Variants in RSPH9 observed in about 807,000 individuals in gnomAD.
The protein encoded by RSPH9 is radial spoke head protein 9 homolog.
A neutral mutation model predicts 27.0 loss-of-function variants in RSPH9; 27 were observed. The ratio of observed to expected loss-of-function variants is 1.00; its 90% CI spans 0.74 to 1.38. The LOEUF (loss-of-function observed/expected upper bound fraction) is 1.38, where lower values mean the gene tolerates loss of function less well. Among genes scored for constraint, RSPH9 ranks in the 40% most tolerant of loss-of-function variants. The pLI, the probability that RSPH9 is intolerant of heterozygous loss-of-function variation, is 0.00. For synonymous variants in RSPH9, 145 were observed against 147.7 expected (o/e 0.98, Z 0.13); for missense variants, 347 against 357.4 (o/e 0.97, Z 0.24).
chr6:43,653,386 G>A (rs1409541943), intron 2 of RSPH9, among the ~76,000 whole-genome samples: 1 of 148,144 alleles, frequency 6.8e-6, no homozygotes, highest in Non-Finnish European at 1.5e-5. Context: ...GGCGGAGGTT[G>A]CAGTGAGCCA....
intron 4 of RSPH9, among the ~76,000 whole-genome samples, chr6:43,660,333 G>A (rs1772480769): frequency 6.6e-6 from 1 of 152,114 alleles, no homozygotes; most frequent in South Asian, 2.1e-4. Context: ...GAGGCACTGT[G>A]ATTGGCCCTC....
Position 43,666,193 on chromosome 6 carries a change from A to G in RSPH9, c.671-4596A>G, listed in dbSNP as rs553964078. Among the ~76,000 whole-genome samples, 5 of 152,310 alleles carry G rather than the reference A, an allele frequency of 3.3e-5. No individual in the cohort carries two copies. In the East Asian group the frequency reaches 9.7e-4, roughly 29 times the overall value. ...CGATGGAGTGGAAGTGTGGATGGTCACAGGAGAGCGGACAGCTCTGATTTT... is the reference window on the plus strand; with the variant it reads ...CGATGGAGTGGAAGTGTGGATGGTCGCAGGAGAGCGGACAGCTCTGATTTT... On this transcript the variant is annotated intron_variant, in intron 4 of 4. Coordinates refer to ENST00000372163, the MANE Select transcript of RSPH9 (RefSeq NM_152732.5).
chr6:43,669,891 G>C (rs933290024), intron 4 of RSPH9, among the ~76,000 whole-genome samples: 2 of 152,196 alleles, frequency 1.3e-5, no homozygotes, highest in African/African-American at 4.8e-5. Context: ...CTAGGACAAA[G>C]GCTCATTAGG....
chr6:43,648,119 A>G (rs1403087372), intron 1 of RSPH9, among the ~76,000 whole-genome samples: 1 of 152,076 alleles, frequency 6.6e-6, no homozygotes, highest in African/African-American at 2.4e-5. Flanking sequence ...AAAATACAAA[A>G]TTAGCCAGGT....
rs375121621 is a variant in RSPH9 at position 43,670,904 on chromosome 6, C to T, written c.786C>T (p.Tyr262=). 2.5e-5 allele frequency: 40 copies of T among 1,614,114 alleles called. No homozygotes were observed. Among genetic ancestry groups the T allele is most frequent in the Middle Eastern group, 1.6e-4 (1 of 6,084 alleles). ...GCACCAAGAACTATGGCTACGTCTA[C>T]GTGGGCACTGGCGAGAAGAACATGG... is the stretch of plus-strand genomic sequence containing the variant. ...APRTKNYGYV[Y]VGTGEKNMDL... The change falls in exon 5 of 5, where the codon TAC becomes TAT. Residue 262 remains tyrosine (Y), a synonymous_variant. Transcript: ENST00000372163.
intron 2 of RSPH9, among the ~76,000 whole-genome samples, chr6:43,653,074 C>A (rs1403279798): frequency 3.9e-5 from 6 of 152,196 alleles, no homozygotes; most frequent in Admixed American, 3.9e-4. Context: ...CCACCTCAGC[C>A]TCCCAAAGTG....
chr6:43,651,839 G>A (rs996896747), intron 2 of RSPH9, among the ~76,000 whole-genome samples: 44 of 151,674 alleles, frequency 2.9e-4, no homozygotes, highest in Non-Finnish European at 4.4e-5. Context: ...GTGAGCCACC[G>A]CACACAGTCT....
chr6:43,647,726 A>C (rs1771032908), intron 1 of RSPH9, among the ~76,000 whole-genome samples: 1 of 152,216 alleles, frequency 6.6e-6, no homozygotes, highest in African/African-American at 2.4e-5. Context: ...CAGAAGAAAA[A>C]GTTGAACTGA....
At chr6:43,645,664 G>C (rs1433653549) in intron 1 of RSPH9, among the ~76,000 whole-genome samples, 1 of 151,764 alleles carries the variant, frequency 6.6e-6, no homozygotes, top group African/African-American at 2.4e-5. Context: ...CATGCGGATG[G>C]GTTTATAAGA....
chr6:43,649,368 T>C (rs771024271), intron 1 of RSPH9, among the ~76,000 whole-genome samples: 5 of 151,840 alleles, frequency 3.3e-5, no homozygotes, highest in Non-Finnish European at 7.4e-5. Flanking sequence ...TTTTTTGTAT[T>C]TTTAGTAGAG....
intron 2 of RSPH9, among the ~76,000 whole-genome samples, chr6:43,651,982 C>G (rs1771520729): frequency 6.6e-6 from 1 of 151,904 alleles, no homozygotes; most frequent in Admixed American, 6.6e-5. Context: ...GATCTTGGGC[C>G]CCAGCATCAG....
rs113762333 is a variant in RSPH9, at chr6:43,671,971, G to A, written c.*1022G>A. 11,149 of 1,490,228 alleles carry A rather than the reference G, an allele frequency of 7.5e-3. 666 individuals are homozygous for A. The African/African-American group carries it at 0.13, about 18-fold the overall frequency. The allele number at this position is 1,490,228 out of a possible 1,614,324, so 92.3% of individuals were successfully genotyped here. On this transcript the variant is annotated 3_prime_UTR_variant, in exon 5 of 5. Coordinates refer to ENST00000372163, the MANE Select transcript of RSPH9 (RefSeq NM_152732.5). ...GGCCCAAGCTGGACGTGGGAGAGTGGAGCACTACCTCCTCAGGCCAGGCCA... is the reference window on the plus strand; with the variant it reads ...GGCCCAAGCTGGACGTGGGAGAGTGAAGCACTACCTCCTCAGGCCAGGCCA...
At chr6:43,662,560 G>A (rs904915573) in intron 4 of RSPH9, among the ~76,000 whole-genome samples, 1 of 151,958 alleles carries the variant, frequency 6.6e-6, no homozygotes, top group Non-Finnish European at 1.5e-5. Context: ...GTAGAGACGG[G>A]GTTTCACCAT....
intron 1 of RSPH9, among the ~76,000 whole-genome samples, chr6:43,647,697 A>G (rs76079870): frequency 0.052 from 7,897 of 152,280 alleles, 315 homozygotes; most frequent in African/African-American, 0.1. Context: ...AAGGTATATT[A>G]AAGTACAGAT....
chr6:43,657,959 A>G (rs1377492978), intron 4 of RSPH9, among the ~76,000 whole-genome samples: 1 of 152,210 alleles, frequency 6.6e-6, no homozygotes, highest in Non-Finnish European at 1.5e-5. Context: ...CAAAATGCTT[A>G]TAACAGTGCC....
chr6:43,645,121 T>G lies in RSPH9; in HGVS notation c.23T>G (p.Leu8Arg), dbSNP rs774355899. ...CTGATGGACGCCGACAGCCTCCTGC[T>G]GTCTCTGGAGCTGGCGTCCGGCAGT... MDADSLL[L>R]SLELASGSGQ... Residue 8 changes from leucine (L) to arginine (R), a missense_variant, in exon 1 of 5, where the codon CTG becomes CGG. Transcript: ENST00000372163. 5.6e-6 allele frequency: 9 copies of G among 1,612,758 alleles called. No individual in the cohort carries two copies. In the East Asian group the frequency reaches 1.8e-4, roughly 32 times the overall value.
intron 2 of RSPH9, 129 bp from the exon 3 acceptor site, chr6:43,655,433 C>T (rs1582385060): frequency 1.9e-5 from 18 of 968,986 alleles, no homozygotes; most frequent in South Asian, 2.6e-5. Flanking sequence ...GCCTGCCCAG[C>T]GTGATCTGTG....
In RSPH9 at chr6:43,671,923, AAG is replaced by A. The variant is rs1424458801; in HGVS notation, c.*977_*978del. On this transcript the variant is annotated 3_prime_UTR_variant, in exon 5 of 5. Transcript: ENST00000372163. ...GTCAGGTACCTGTGGAGGGAGAACAAAGAGGTGCCTGTGAGGGCTGGGGGCCC... is the reference window on the plus strand; with the variant it reads ...GTCAGGTACCTGTGGAGGGAGAACAAAGGTGCCTGTGAGGGCTGGGGGCCC... 1 of 1,583,786 alleles carries A rather than the reference AAG, an allele frequency of 6.3e-7. No homozygotes were observed. The highest frequency in any genetic ancestry group is 1.1e-5 in the South Asian group (1 of 87,054).
intron 1 of RSPH9, among the ~76,000 whole-genome samples, chr6:43,648,090 C>G (rs191116933): frequency 7.6e-4 from 115 of 152,106 alleles, no homozygotes; most frequent in African/African-American, 2.7e-3. Context: ...ACCAACATGG[C>G]CTGACCCCAT....
Sources: gnomAD v4.1 joint callset for allele counts (sites outside exome capture counted in the v4.1 genomes callset) on GRCh38, gnomAD v4.1.1 for gene constraint, MANE v1.5 for transcripts, NCBI Gene and HGNC (gene_info 2026-07-23, HGNC 2026-07-21) for gene names.